ITGAV: variants seen among roughly 807,000 people sequenced by gnomAD.
ITGAV encodes integrin subunit alpha V.
ITGAV carries 76 observed loss-of-function variants against 143.8 expected under a neutral mutation model. That is an observed-to-expected ratio of 0.53 (90% CI 0.44 to 0.64). The LOEUF (loss-of-function observed/expected upper bound fraction) is 0.64, where lower values mean the gene tolerates loss of function less well. Among genes scored for constraint, ITGAV ranks in the 30% least tolerant of loss-of-function variants. ITGAV has a pLI of 0.00. For missense variants in ITGAV, 1,193 were observed against 1,274.7 expected, an observed-to-expected ratio of 0.94 and a Z score of 0.98; for synonymous variants, 453 against 446.7, an observed-to-expected ratio of 1.01 and a Z score of -0.18.
chr2:186,666,058 T>A (rs1688888650), intron 21 of ITGAV, among the ~76,000 whole-genome samples: 1 of 152,234 alleles, frequency 6.6e-6, no homozygotes, highest in Non-Finnish European at 1.5e-5. Context: ...TAGTTTCTGC[T>A]TATTACAAGT....
rs985246442 is a variant in ITGAV at position 186,679,896 on chromosome 2, A to G, written c.*2604A>G. The G allele has an allele frequency of 6.6e-6, 1 of 152,094 alleles. No individual in the cohort carries two copies. The highest frequency in any genetic ancestry group is 1.5e-5 in the Non-Finnish European group (1 of 67,932). The allele number at this position is 152,094 out of a possible 1,614,324, so 9.4% of individuals were successfully genotyped here. On this transcript the variant is annotated 3_prime_UTR_variant, in exon 30 of 30. Transcript: ENST00000261023. ...TTATGAAACTACTTATTCATAGTTA[A>G]TTCTCATTAACACTTACATTTCCAT...
chr2:186,654,397 G>A (rs1688524678), intron 15 of ITGAV, among the ~76,000 whole-genome samples: 1 of 151,432 alleles, frequency 6.6e-6, no homozygotes. Context: ...GGTTCTATAA[G>A]CTTGAGAGAA....
In ITGAV at chr2:186,675,657, C is replaced by T. The variant is rs914688510; in HGVS notation, c.2760C>T (p.Asp920=). ...LKIVCQVGRL[D]RGKSAILYVK... Reference sequence around the variant, plus strand: ...TTGTCTGCCAAGTTGGGAGATTAGACAGAGGAAAGAGTGCAATCTTGTACG... The same window carrying T: ...TTGTCTGCCAAGTTGGGAGATTAGATAGAGGAAAGAGTGCAATCTTGTACG... The change falls in exon 27 of 30, where the codon GAC becomes GAT. Residue 920 remains aspartate, a synonymous_variant. Coordinates refer to ENST00000261023, the MANE Select transcript of ITGAV (RefSeq NM_002210.5). The T allele has an allele frequency of 4.3e-6, 7 of 1,613,904 alleles. 1 individual carries two copies. In the South Asian group the frequency reaches 4.4e-5, roughly 10 times the overall value.
At chr2:186,655,928 A>G (rs1688569749) in intron 16 of ITGAV, among the ~76,000 whole-genome samples, 1 of 152,190 alleles carries the variant, frequency 6.6e-6, no homozygotes, top group Non-Finnish European at 1.5e-5. Context: ...CACATGTTTC[A>G]TCCTCTGGAT....
chr2:186,613,908 A>G (rs1011628934), intron 2 of ITGAV, among the ~76,000 whole-genome samples: 3 of 152,226 alleles, frequency 2.0e-5, no homozygotes, highest in South Asian at 2.1e-4. Context: ...ATTCTATAAC[A>G]TAGAATAGAG....
Position 186,609,314 on chromosome 2 carries a change from A to G in ITGAV, c.316+7163A>G, listed in dbSNP as rs184951858. ...ATAGTATATCATTTATTAAAAGGCC[A>G]TGTAACTGTTGCTTGTCACGTGCAT... is the stretch of plus-strand genomic sequence containing the variant. On this transcript the variant is annotated intron_variant, in intron 2 of 29. Coordinates refer to ENST00000261023, the MANE Select transcript of ITGAV (RefSeq NM_002210.5). Among the ~76,000 whole-genome samples the G allele has an allele frequency of 4.0e-3, 612 of 152,306 alleles. 3 individuals are homozygous for G. The highest frequency in any genetic ancestry group is 6.0e-3 in the Non-Finnish European group (411 of 68,016).
intron 2 of ITGAV, among the ~76,000 whole-genome samples, chr2:186,610,187 T>TA (rs1465465054): frequency 6.6e-6 from 1 of 152,142 alleles, no homozygotes; most frequent in African/African-American, 2.4e-5. Flanking sequence ...GACACGACTT[T>TA]AAAAAATGTG....
intron 20 of ITGAV, 44 bp downstream of exon 20, chr2:186,664,685 C>T (rs1341561957): frequency 1.2e-6 from 2 of 1,610,732 alleles, no homozygotes. Context: ...ACTCACGGAT[C>T]TTATTAACAT....
At chr2:186,610,886 T>A (rs1426064137) in intron 2 of ITGAV, among the ~76,000 whole-genome samples, 1 of 152,228 alleles carries the variant, frequency 6.6e-6, no homozygotes, top group East Asian at 1.9e-4. Flanking sequence ...AAACCTAGAC[T>A]GCTCATGTAG....
At chr2:186,656,156 A>G in intron 16 of ITGAV, 91 bp from the exon 17 acceptor site, 1 of 891,664 alleles carries the variant, frequency 1.1e-6, no homozygotes, top group Admixed American at 3.0e-5. Context: ...TTCTTAAGGA[A>G]TAAAGATCTC....
chr2:186,612,265 C>T (rs1011962436), intron 2 of ITGAV, among the ~76,000 whole-genome samples: 1 of 151,736 alleles, frequency 6.6e-6, no homozygotes, highest in Admixed American at 6.6e-5. Flanking sequence ...TTTTTTTTTC[C>T]ACCCAAAAAG....
At chr2:186,645,138 A>G (rs1254278795) in intron 12 of ITGAV, among the ~76,000 whole-genome samples, 1 of 152,186 alleles carries the variant, frequency 6.6e-6, no homozygotes, top group African/African-American at 2.4e-5. Context: ...AGATAGTGAT[A>G]AAGATGATGG....
At chr2:186,650,996 G>A (rs758293385) in intron 14 of ITGAV, among the ~76,000 whole-genome samples, 1 of 152,204 alleles carries the variant, frequency 6.6e-6, no homozygotes, top group Non-Finnish European at 1.5e-5. Context: ...AGGTCAGTAT[G>A]TAATGAAACC....
At position 186,677,398 on chromosome 2, in the gene ITGAV, A is replaced by G; in HGVS notation, c.*106A>G. ...GTAAAAATCCAAGGCTTTACTGCTG[A>G]TAGTGCTAATTGGCATTAACCACAA... On this transcript the variant is annotated 3_prime_UTR_variant, in exon 30 of 30. Coordinates refer to ENST00000261023, the MANE Select transcript of ITGAV (RefSeq NM_002210.5). 2 of 776,624 alleles carry G rather than the reference A, an allele frequency of 2.6e-6. No individual in the cohort carries two copies. The highest frequency in any genetic ancestry group is 4.3e-6 in the Non-Finnish European group (2 of 461,368). The allele number at this position is 776,624 out of a possible 1,614,324, so 48.1% of individuals were successfully genotyped here.
chr2:186,648,665 A>G (rs1453728535), intron 13 of ITGAV, among the ~76,000 whole-genome samples: 1 of 151,822 alleles, frequency 6.6e-6, no homozygotes, highest in East Asian at 1.9e-4. Context: ...GGGTTTCACC[A>G]TGTTGATCAG....
At chr2:186,600,230 C>T in intron 1 of ITGAV, 1 of 1,060,022 alleles carries the variant, frequency 9.4e-7, no homozygotes, top group East Asian at 2.6e-5. Flanking sequence ...AGATTCAATT[C>T]TTTCTTGCCA....
At chr2:186,668,289 G>C (rs139810557) in intron 24 of ITGAV, among the ~76,000 whole-genome samples, 24,981 of 131,356 alleles carry the variant, frequency 0.19, 2,528 homozygotes, top group Middle Eastern at 0.23. Context: ...GCAGTGGCGC[G>C]ATCTCAGCTC....
At chr2:186,636,928 T>C (rs1687960495) in intron 7 of ITGAV, 137 bp from the exon 8 acceptor site, 1 of 649,858 alleles carries the variant, frequency 1.5e-6, no homozygotes, top group Non-Finnish European at 2.8e-6. Flanking sequence ...TATATATGAA[T>C]CTGTTATGAC....
At chr2:186,665,096 A>AT (rs35994921) in intron 20 of ITGAV, 30 bp from the exon 21 acceptor site, 23,011 of 1,010,186 alleles carry the variant, frequency 0.023, 60 homozygotes, top group Non-Finnish European at 0.025. Context: ...TTTCATATCC[A>AT]TTTTTTTTTT....
Sources: allele counts gnomAD v4.1 joint callset (sites outside exome capture counted in the v4.1 genomes callset), GRCh38; gene constraint gnomAD v4.1.1; transcripts MANE v1.5; gene names NCBI Gene and HGNC (gene_info 2026-07-23, HGNC 2026-07-21).